RADX: variants seen among roughly 807,000 people sequenced by gnomAD.
The protein encoded by RADX is RPA1 related single stranded DNA binding protein, X-linked, also known as RPA-related protein RADX.
In RADX, 36 loss-of-function variants were observed where a neutral mutation model predicts 61.6. That is an observed-to-expected ratio of 0.58 (90% CI 0.45 to 0.77). RADX has a LOEUF of 0.77. RADX is among the 30% of genes least tolerant of loss of function. The pLI is 0.00. For synonymous variants in RADX, 272 were observed against 237.9 expected, an observed-to-expected ratio of 1.14 and a Z score of -1.32; for missense variants, 497 against 651.1, an observed-to-expected ratio of 0.76 and a Z score of 2.58.
At chrX:106,677,164 A>T (rs912959081) in intron 13 of RADX, among the ~76,000 whole-genome samples, 4 of 112,013 alleles carry the variant, frequency 3.6e-5, no homozygotes, top group African/African-American at 1.3e-4. Flanking sequence ...TACTGTAAAG[A>T]TGAGAACACA....
intron 3 of RADX, among the ~76,000 whole-genome samples, chrX:106,628,076 T>A (rs1490243487): frequency 9.0e-6 from 1 of 111,428 alleles, no homozygotes; most frequent in Non-Finnish European, 1.9e-5. Context: ...CCTCAAATGA[T>A]CTACCTGCCT....
At chrX:106,615,406 G>C (rs919861786) in intron 1 of RADX, among the ~76,000 whole-genome samples, 2 of 110,794 alleles carry the variant, frequency 1.8e-5, no homozygotes, top group Non-Finnish European at 3.8e-5. Context: ...CTCACCTCTC[G>C]AATCTCTAAC....
chrX:106,631,777 AAAG>A (rs1927229609), intron 3 of RADX, among the ~76,000 whole-genome samples: 1 of 105,027 alleles, frequency 9.5e-6, no homozygotes, highest in South Asian at 4.1e-4. Context: ...AGAGAGAAAG[AAAG>A]AAGAAAAGAA....
intron 9 of RADX, 74 bp from the exon 10 acceptor site, chrX:106,640,477 CT>C (rs1384896965): frequency 8.3e-6 from 6 of 725,492 alleles, no homozygotes; most frequent in Non-Finnish European, 1.2e-5. Context: ...AATGAATACA[CT>C]AAAATTGTAG....
At chrX:106,643,093 A>G (rs903742230) in intron 10 of RADX, among the ~76,000 whole-genome samples, 2 of 111,054 alleles carry the variant, frequency 1.8e-5, no homozygotes, top group Non-Finnish European at 3.8e-5. Flanking sequence ...GATGTTGAGC[A>G]CCTTTTCATG....
rs779238385 is a variant in RADX at position 106,612,063 on chromosome X, G to C, written c.-18G>C. Reference sequence around the variant, plus strand: ...AAACTAGCTTTTGGGAGTGAAGCGGGTACGCAGTTATCCAACAATGTCTGG... The same window carrying C: ...AAACTAGCTTTTGGGAGTGAAGCGGCTACGCAGTTATCCAACAATGTCTGG... On this transcript the variant is annotated 5_prime_UTR_variant, in exon 1 of 14. Transcript: ENST00000372548. The C allele has an allele frequency of 7.6e-6, 9 of 1,190,843 alleles. No individual in the cohort carries two copies. Among genetic ancestry groups the C allele is most frequent in the Non-Finnish European group, 1.0e-5 (9 of 885,997 alleles).
rs1927787250 is a variant in RADX, at chrX:106,651,246, A to T, written c.1978+2860A>T. On this transcript the variant is annotated intron_variant, in intron 11 of 13. Transcript: ENST00000372548. Reference sequence around the variant, plus strand: ...TAAAAAAAAGACAGATTTATCAACAAAGAAAACAAAATTAGACGGAAAAAT... The same window carrying T: ...TAAAAAAAAGACAGATTTATCAACATAGAAAACAAAATTAGACGGAAAAAT... 4.5e-5 allele frequency among the ~76,000 whole-genome samples: 5 copies of T among 111,550 alleles called. No individual in the cohort carries two copies. The South Asian group carries it at 1.9e-3, about 42-fold the overall frequency.
At chrX:106,660,661 T>A (rs1455012502) in intron 11 of RADX, among the ~76,000 whole-genome samples, 2 of 112,088 alleles carry the variant, frequency 1.8e-5, no homozygotes, top group East Asian at 5.6e-4. Context: ...AAATCAATTT[T>A]TTTTTCTGAT....
chrX:106,635,618 C>T (rs2147621507), intron 6 of RADX, among the ~76,000 whole-genome samples: 2 of 111,519 alleles, frequency 1.8e-5, no homozygotes, highest in Non-Finnish European at 3.8e-5. Flanking sequence ...TGCATTGCTA[C>T]AGAATAAAGA....
intron 10 of RADX, among the ~76,000 whole-genome samples, chrX:106,648,093 ATAATCTT>A (rs1360545055): frequency 1.6e-4 from 18 of 111,628 alleles, no homozygotes; most frequent in Non-Finnish European, 7.6e-5. Context: ...CTTTTATGGA[ATAATCTT>A]TAAAATTTAA....
chrX:106,621,548 T>C (rs1228835800), intron 1 of RADX, among the ~76,000 whole-genome samples: 1 of 112,170 alleles, frequency 8.9e-6, no homozygotes, highest in Admixed American at 9.5e-5. Flanking sequence ...TATTACAAAT[T>C]AATTCTTTAA....
intron 3 of RADX, 40 bp downstream of exon 3, chrX:106,625,322 G>A: frequency 1.0e-6 from 1 of 978,707 alleles, no homozygotes; most frequent in African/African-American, 1.9e-5. Flanking sequence ...TCGCTGTTTT[G>A]TTTATATAAA....
chrX:106,645,392 C>T (rs780394499), intron 10 of RADX, among the ~76,000 whole-genome samples: 3 of 111,103 alleles, frequency 2.7e-5, no homozygotes, highest in Non-Finnish European at 5.7e-5. Flanking sequence ...GCACTTATAG[C>T]TGTAAACGTC....
intron 8 of RADX, chrX:106,639,287 T>C (rs1452351609): frequency 3.5e-6 from 1 of 285,450 alleles, no homozygotes; most frequent in African/African-American, 2.7e-5. Flanking sequence ...GCATTTAATA[T>C]GCAAAATTTA....
At chrX:106,639,775 A>C in intron 9 of RADX, 88 bp downstream of exon 9, 2 of 699,533 alleles carry the variant, frequency 2.9e-6, no homozygotes, top group Non-Finnish European at 4.1e-6. Flanking sequence ...TTCAGAACTC[A>C]CGTGTATTGA....
At chrX:106,619,297 A>G (rs1177257090) in intron 1 of RADX, among the ~76,000 whole-genome samples, 1 of 111,924 alleles carries the variant, frequency 8.9e-6, no homozygotes, top group African/African-American at 3.2e-5. Context: ...GAAGATATTT[A>G]GGACTCCACT....
At position 106,633,259 on chromosome X, in the gene RADX, G is replaced by A. The variant is rs374993745; in HGVS notation, c.1303+7G>A. On this transcript the variant is annotated splice_region_variant and intron_variant, in intron 6 of 13. Transcript: ENST00000372548. Reference sequence around the variant, plus strand: ...TTTGAAAATATTTACCCAAGTAAGCGATTTTTAATATTTTTATATTATGTT... The same window carrying A: ...TTTGAAAATATTTACCCAAGTAAGCAATTTTTAATATTTTTATATTATGTT... 3.0e-5 allele frequency: 36 copies of A among 1,184,499 alleles called. No homozygotes were observed. Among genetic ancestry groups the A allele is most frequent in the Non-Finnish European group, 4.0e-5 (35 of 876,838 alleles).
intron 1 of RADX, among the ~76,000 whole-genome samples, chrX:106,617,169 A>C (rs912516188): frequency 9.3e-6 from 1 of 107,301 alleles, no homozygotes; most frequent in African/African-American, 3.4e-5. Flanking sequence ...CTGGGACTAC[A>C]GGCACACCAC....
chrX:106,669,211 G>T lies in RADX; in HGVS notation c.2318G>T (p.Cys773Phe), dbSNP rs756643724. The stretch of plus-strand genomic sequence containing the variant: ...GATGTTGCTTTCCTACCCATGTATT[G>T]TCCAGAAGATATTCGAACATCTCAA... ...AIDVAFLPMY[C>F]PEDIRTSQID... The change falls in exon 13 of 14, where the codon TGT becomes TTT. Residue 773 changes from cysteine to phenylalanine, a missense_variant. Around this residue, in one of 3 missense-constraint regions of RADX, gnomAD observed 267 missense variants for 306.9 expected, o/e 0.87. Coordinates refer to ENST00000372548, the MANE Select transcript of RADX (RefSeq NM_018015.6). The T allele has an allele frequency of 8.3e-7, 1 of 1,201,997 alleles. No homozygotes were observed. Among genetic ancestry groups the T allele is most frequent in the Admixed American group, 2.2e-5 (1 of 45,913 alleles).
Sources: allele counts gnomAD v4.1 joint callset (sites outside exome capture counted in the v4.1 genomes callset), GRCh38; gene constraint gnomAD v4.1.1; regional missense constraint gnomAD v4.1.1; transcripts MANE v1.5; gene names NCBI Gene and HGNC (gene_info 2026-07-23, HGNC 2026-07-21).